UNC5D: variants seen among roughly 807,000 people sequenced by gnomAD.
The protein encoded by UNC5D is netrin receptor UNC5D.
In UNC5D, 39 loss-of-function variants were observed where a neutral mutation model predicts 105.4. The observed-to-expected ratio is 0.37, with a 90% CI of 0.29 to 0.48. UNC5D has a LOEUF of 0.48. UNC5D is among the 20% of genes least tolerant of loss of function. The probability of loss-of-function intolerance (pLI) is 0.98; values close to 1 mark genes in which losing one functional copy is unlikely to be tolerated. For missense variants in UNC5D, 991 were observed against 1,202.4 expected, an observed-to-expected ratio of 0.82 and a Z score of 2.60; for synonymous variants, 452 against 450.4, an observed-to-expected ratio of 1.00 and a Z score of -0.04.
intron 3 of UNC5D, among the ~76,000 whole-genome samples, chr8:35,588,650 G>T (rs568206176): frequency 6.6e-6 from 1 of 152,152 alleles, no homozygotes; most frequent in Non-Finnish European, 1.5e-5. Context: ...GTTCAGTCAG[G>T]TACCCCATTG....
intron 1 of UNC5D, among the ~76,000 whole-genome samples, chr8:35,362,036 A>C (rs1429674888): frequency 6.6e-6 from 1 of 152,180 alleles, no homozygotes; most frequent in Non-Finnish European, 1.5e-5. Flanking sequence ...ATTCAGTAAT[A>C]TCTTTGATTT....
intron 13 of UNC5D, among the ~76,000 whole-genome samples, chr8:35,753,696 G>A (rs988253346): frequency 1.3e-5 from 2 of 152,122 alleles, no homozygotes; most frequent in Non-Finnish European, 1.5e-5. Context: ...ATAAAGCTGC[G>A]TTTGGTTGTA....
intron 4 of UNC5D, among the ~76,000 whole-genome samples, chr8:35,601,012 A>C (rs1289258123): frequency 1.3e-5 from 2 of 152,036 alleles, no homozygotes; most frequent in Non-Finnish European, 2.9e-5. Flanking sequence ...TCAGCTTTCT[A>C]CATATGGCTA....
intron 1 of UNC5D, among the ~76,000 whole-genome samples, chr8:35,284,022 A>G (rs1445737758): frequency 6.6e-6 from 1 of 152,140 alleles, no homozygotes; most frequent in East Asian, 1.9e-4. Context: ...TCTTTTTTGG[A>G]ATGGATTCAT....
intron 2 of UNC5D, among the ~76,000 whole-genome samples, chr8:35,565,224 T>G (rs1817253770): frequency 6.6e-6 from 1 of 152,164 alleles, no homozygotes; most frequent in Non-Finnish European, 1.5e-5. Flanking sequence ...AACTATTCCC[T>G]TTTCACCACA....
Position 35,792,390 on chromosome 8 carries a change from C to G in UNC5D, c.*1827C>G, listed in dbSNP as rs1219569269. On this transcript the variant is annotated 3_prime_UTR_variant, in exon 17 of 17. Transcript: ENST00000404895. ...GTCTTTGCTACATGTAATTCAAAAG[C>G]ATCTCGCTTTTCTCAGGAACCAAAG... 1.3e-5 allele frequency: 2 copies of G among 152,286 alleles called. No individual in the cohort carries two copies. Among genetic ancestry groups the G allele is most frequent in the Admixed American group, 1.3e-4 (2 of 15,244 alleles). 9.4% of individuals were successfully genotyped at this position (152,286 alleles called of 1,614,324 possible).
intron 2 of UNC5D, among the ~76,000 whole-genome samples, chr8:35,567,709 G>A (rs968444795): frequency 6.6e-6 from 1 of 152,150 alleles, no homozygotes; most frequent in African/African-American, 2.4e-5. Flanking sequence ...AGACGTAGGG[G>A]CACTTAGAAC....
chr8:35,347,064 G>T (rs766648726), intron 1 of UNC5D, among the ~76,000 whole-genome samples: 1 of 151,954 alleles, frequency 6.6e-6, no homozygotes, highest in African/African-American at 2.4e-5. Context: ...AAAATATAAG[G>T]GAGGGGTGCT....
At chr8:35,472,313 C>T (rs147140715) in intron 1 of UNC5D, among the ~76,000 whole-genome samples, 2 of 151,922 alleles carry the variant, frequency 1.3e-5, no homozygotes, top group East Asian at 3.9e-4. Flanking sequence ...GAATAGGCCA[C>T]AATAATGGTG....
chr8:35,387,082 C>T (rs943139547), intron 1 of UNC5D, among the ~76,000 whole-genome samples: 5 of 151,956 alleles, frequency 3.3e-5, no homozygotes, highest in African/African-American at 1.2e-4. Flanking sequence ...ATTCTCAGGC[C>T]GGACGCAGTG....
At chr8:35,730,251 A>G (rs1829112777) in intron 10 of UNC5D, among the ~76,000 whole-genome samples, 1 of 152,208 alleles carries the variant, frequency 6.6e-6, no homozygotes, top group Admixed American at 6.5e-5. Context: ...ACAGCGTTTT[A>G]GAGGAAGGAG....
chr8:35,461,375 G>A (rs1429029865), intron 1 of UNC5D, among the ~76,000 whole-genome samples: 1 of 151,992 alleles, frequency 6.6e-6, no homozygotes, highest in Non-Finnish European at 1.5e-5. Flanking sequence ...TATGCTACAC[G>A]CGTGTGAAAA....
intron 1 of UNC5D, among the ~76,000 whole-genome samples, chr8:35,495,186 C>T (rs567739550): frequency 1.1e-4 from 16 of 152,132 alleles, no homozygotes; most frequent in South Asian, 6.2e-4. Context: ...CCGAGGACTC[C>T]GTACTTGCCA....
chr8:35,722,223 C>T lies in UNC5D; in HGVS notation c.1131C>T (p.Ala377=), dbSNP rs1828618059. ...TGTGTCTTTCAGGCATTGAGAATGC[C>T]AGCGACATTGCTTTGTACTCGGGCT... ...HEIKPQSIEN[A]SDIALYSGLG... Residue 377 remains alanine, a synonymous_variant, in exon 9 of 17, where the codon GCC becomes GCT. Transcript: ENST00000404895. 2.5e-6 allele frequency: 4 copies of T among 1,613,448 alleles called. No individual in the cohort carries two copies. In the South Asian group the frequency reaches 4.4e-5, roughly 18 times the overall value.
At position 35,666,884 on chromosome 8, in the gene UNC5D, G is replaced by C. The variant is rs1192573682; in HGVS notation, c.571-16663G>C. On this transcript the variant is annotated intron_variant, in intron 4 of 16. Coordinates refer to ENST00000404895, the MANE Select transcript of UNC5D (RefSeq NM_080872.4). The stretch of plus-strand genomic sequence containing the variant: ...ATTTAGAGCCTAGAGTTTTGACACA[G>C]TGGTTCATTATCCATGATCCACACT... Among the ~76,000 whole-genome samples, 3 of 152,000 alleles carry C rather than the reference G, an allele frequency of 2.0e-5. 1 individual carries two copies. The highest frequency in any genetic ancestry group is 4.4e-5 in the Non-Finnish European group (3 of 67,996).
intron 4 of UNC5D, among the ~76,000 whole-genome samples, chr8:35,667,292 A>G (rs1824487205): frequency 6.6e-6 from 1 of 152,194 alleles, no homozygotes; most frequent in Non-Finnish European, 1.5e-5. Context: ...CTATAGGGCC[A>G]TCACAGTCAG....
chr8:35,750,245 C>T (rs1226352309), intron 12 of UNC5D, among the ~76,000 whole-genome samples: 1 of 152,002 alleles, frequency 6.6e-6, no homozygotes, highest in African/African-American at 2.4e-5. Context: ...TCAAGTGATT[C>T]TCCTGCCTCA....
intron 16 of UNC5D, among the ~76,000 whole-genome samples, chr8:35,777,759 G>T (rs1802320850): frequency 6.6e-6 from 1 of 152,202 alleles, no homozygotes; most frequent in Admixed American, 6.5e-5. Flanking sequence ...ATTATAGTCT[G>T]CAGTTTGCTG....
rs1031337935 is a variant in UNC5D, at chr8:35,617,772, C to A, written c.570+22115C>A. On this transcript the variant is annotated intron_variant, in intron 4 of 16. Coordinates refer to ENST00000404895, the MANE Select transcript of UNC5D (RefSeq NM_080872.4). ...GCTTCCAAGAAAAACATCCAACATT[C>A]AGAACTGAACAGCTGAGAATCCCCT... Among the ~76,000 whole-genome samples the A allele has an allele frequency of 6.6e-5, 10 of 152,208 alleles. No homozygotes were observed. In the South Asian group the frequency reaches 2.1e-3, roughly 32 times the overall value.
Sources: allele counts gnomAD v4.1 joint callset (sites outside exome capture counted in the v4.1 genomes callset), GRCh38; gene constraint gnomAD v4.1.1; transcripts MANE v1.5; gene names NCBI Gene and HGNC (gene_info 2026-07-23, HGNC 2026-07-21).